The following FBXL4 variants were observed in gnomAD, a reference collection of about 807,000 sequenced individuals.
FBXL4 encodes F-box and leucine rich repeat protein 4.
Under a neutral mutation model 58.9 loss-of-function variants are expected in FBXL4, and 40 were observed. The observed-to-expected ratio is 0.68, with a 90% CI of 0.53 to 0.88. The LOEUF (loss-of-function observed/expected upper bound fraction) is 0.88, where lower values mean the gene tolerates loss of function less well. Ranked by LOEUF, FBXL4 falls within the 40% of genes least tolerant of loss-of-function variation. The pLI, the probability that FBXL4 is intolerant of heterozygous loss-of-function variation, is 0.00. For synonymous variants in FBXL4, 263 were observed against 265.5 expected (o/e 0.99, Z 0.09); for missense variants, 676 against 734.4 (o/e 0.92, Z 0.92).
chr6:98,914,226 T>C (rs1009871365), intron 5 of FBXL4, among the ~76,000 whole-genome samples: 37 of 152,060 alleles, frequency 2.4e-4, no homozygotes, highest in Non-Finnish European at 2.9e-4. Context: ...CAGCCGAATT[T>C]TATCAGAGGT....
In FBXL4 at chr6:98,899,430, G is replaced by C. The variant is rs1290747137; in HGVS notation, c.1155C>G (p.Ser385Arg). The C allele has an allele frequency of 6.2e-7, 1 of 1,613,878 alleles. No homozygotes were observed. The highest frequency in any genetic ancestry group is 1.1e-5 in the South Asian group (1 of 91,084). The change falls in exon 7 of 10, where the codon AGC becomes AGG. Residue 385 changes from serine (S) to arginine (R), a missense_variant. Coordinates refer to ENST00000369244, the MANE Select transcript of FBXL4 (RefSeq NM_001278716.2). ...SELVRLELSC[S>R]HFLNETCLEV... ...CTAAGCAAGTTTCATTAAGAAAGTG[G>C]CTGCAAGACAATTCAAGGCGTACTA...
At chr6:98,906,548 C>T (rs1171973595) in intron 5 of FBXL4, among the ~76,000 whole-genome samples, 1 of 152,194 alleles carries the variant, frequency 6.6e-6, no homozygotes, top group East Asian at 1.9e-4. Flanking sequence ...ATATGTGCCA[C>T]ATTTTCTTTA....
chr6:98,883,087 T>G (rs1314798297), intron 7 of FBXL4, among the ~76,000 whole-genome samples: 1 of 152,022 alleles, frequency 6.6e-6, no homozygotes, highest in Non-Finnish European at 1.5e-5. Flanking sequence ...CCCCACATCT[T>G]TACCAACATA....
At chr6:98,916,818 T>C in intron 5 of FBXL4, among the ~76,000 whole-genome samples, 1 of 134,284 alleles carries the variant, frequency 7.4e-6, no homozygotes, top group South Asian at 2.5e-4. Context: ...TAAAGTATAA[T>C]TAAAAAAAAA....
chr6:98,916,747 A>G (rs1364770622), intron 5 of FBXL4, among the ~76,000 whole-genome samples: 2 of 151,870 alleles, frequency 1.3e-5, no homozygotes, highest in African/African-American at 4.8e-5. Flanking sequence ...GCAGCACACC[A>G]GCATGGCACA....
At chr6:98,918,787 T>C (rs1772470418) in intron 4 of FBXL4, among the ~76,000 whole-genome samples, 1 of 152,078 alleles carries the variant, frequency 6.6e-6, no homozygotes, top group Admixed American at 6.6e-5. Context: ...ACACTACAAA[T>C]TGCTTTCAAA....
intron 8 of FBXL4, among the ~76,000 whole-genome samples, chr6:98,879,300 T>G (rs529202928): frequency 1.3e-5 from 2 of 152,156 alleles, no homozygotes; most frequent in Non-Finnish European, 2.9e-5. Context: ...TCCTACTAAG[T>G]GAATGCAAGG....
chr6:98,942,717 G>A (rs1210237483), intron 1 of FBXL4, among the ~76,000 whole-genome samples: 1 of 151,904 alleles, frequency 6.6e-6, no homozygotes, highest in African/African-American at 2.4e-5. Flanking sequence ...CCCAGTCTCA[G>A]GTATTTCTTT....
At chr6:98,882,264 A>C (rs564968401) in intron 7 of FBXL4, among the ~76,000 whole-genome samples, 2 of 152,058 alleles carry the variant, frequency 1.3e-5, no homozygotes, top group East Asian at 3.9e-4. Context: ...ATCTGGCTAC[A>C]TTGTTGTATG....
intron 4 of FBXL4, 82 bp from the exon 5 acceptor site, chr6:98,917,801 A>G: frequency 1.1e-6 from 1 of 908,302 alleles, no homozygotes; most frequent in East Asian, 2.5e-5. Flanking sequence ...CATGCCCAAT[A>G]TGTCACAGTG....
intron 6 of FBXL4, among the ~76,000 whole-genome samples, chr6:98,904,997 T>C (rs1771744323): frequency 6.6e-6 from 1 of 152,228 alleles, no homozygotes; most frequent in South Asian, 2.1e-4. Context: ...ATCTGGGTGA[T>C]GTATTGCACA....
chr6:98,898,837 T>A (rs561374992), intron 7 of FBXL4: 3 of 985,296 alleles, frequency 3.0e-6, no homozygotes, highest in Non-Finnish European at 3.6e-6. Context: ...TGATTCCTTT[T>A]TAAATGAGAC....
At position 98,874,422 on chromosome 6, in the gene FBXL4, C is replaced by G; in HGVS notation, c.1722G>C (p.Pro574=). Residue 574 remains proline (P), a synonymous_variant, in exon 10 of 10, where the codon CCG becomes CCC. Transcript: ENST00000369244. ...ATTCCAGGAGTTTTCTTAAGGATGC[C>G]GGACTTACCATTCTTGTTCCTATTT... ...LDILGTRMVS[P]ASLRKLLESC... is the part of the protein sequence containing the mutation. 6.2e-7 allele frequency: 1 copy of G among 1,607,432 alleles called. No homozygotes were observed. The highest frequency in any genetic ancestry group is 8.5e-7 in the Non-Finnish European group (1 of 1,178,472).
At position 98,871,834 on chromosome 6, in the gene FBXL4, G is replaced by A. The variant is rs759099487; in HGVS notation, c.*2444C>T. The A allele has an allele frequency of 2.0e-5, 3 of 152,274 alleles. No homozygotes were observed. Among genetic ancestry groups the A allele is most frequent in the African/African-American group, 7.2e-5 (3 of 41,558 alleles). The allele number at this position is 152,274 out of a possible 1,614,324, so 9.4% of individuals were successfully genotyped here. On this transcript the variant is annotated 3_prime_UTR_variant, in exon 10 of 10. Transcript: ENST00000369244. ...CAACCACATTGGCATAATAGTGTTA[G>A]TTCTATTGTGAGCTTTTGCGTTCAG...
At position 98,917,564 on chromosome 6, in the gene FBXL4, A is replaced by G; in HGVS notation, c.668T>C (p.Val223Ala). Residue 223 changes from valine to alanine, a missense_variant, in exon 5 of 10, where the codon GTT becomes GCT. Val to Ala is a moderately conservative substitution (Grantham distance 64, BLOSUM62 0). Coordinates refer to ENST00000369244, the MANE Select transcript of FBXL4 (RefSeq NM_001278716.2). ...LLEYYTELDA[V>A]VLHGVKDKPV... ...CTTGTCCTTCACACCATGTAGCACA[A>G]CTGCATCTAATTCAGTGTAATATTC... 6.2e-7 allele frequency: 1 copy of G among 1,614,056 alleles called. No homozygotes were observed. Among genetic ancestry groups the G allele is most frequent in the East Asian group, 2.2e-5 (1 of 44,872 alleles).
At chr6:98,945,036 C>T (rs1270673374) in intron 1 of FBXL4, among the ~76,000 whole-genome samples, 1 of 152,128 alleles carries the variant, frequency 6.6e-6, no homozygotes, top group Non-Finnish European at 1.5e-5. Context: ...TGTGATATGG[C>T]AAAAGCAATA....
chr6:98,944,600 G>A (rs1773550838), intron 1 of FBXL4, among the ~76,000 whole-genome samples: 1 of 152,318 alleles, frequency 6.6e-6, no homozygotes, highest in Non-Finnish European at 1.5e-5. Context: ...TAGAGGCACT[G>A]ACGGCCTTTA....
At chr6:98,942,911 A>G in intron 1 of FBXL4, among the ~76,000 whole-genome samples, 1 of 152,148 alleles carries the variant, frequency 6.6e-6, no homozygotes, top group Non-Finnish European at 1.5e-5. Flanking sequence ...AAAATAGTTA[A>G]TATGACTAGA....
chr6:98,932,171 T>C (rs533142461), intron 2 of FBXL4, among the ~76,000 whole-genome samples: 89 of 152,276 alleles, frequency 5.8e-4, no homozygotes, highest in African/African-American at 2.1e-3. Flanking sequence ...ACTCACAACA[T>C]ATAAAAATAT....
Sources: allele counts gnomAD v4.1 joint callset (sites outside exome capture counted in the v4.1 genomes callset), GRCh38; gene constraint gnomAD v4.1.1; transcripts MANE v1.5; gene names NCBI Gene and HGNC (gene_info 2026-07-23, HGNC 2026-07-21).